The following UGT1A10 variants were observed in gnomAD, a reference collection of about 807,000 sequenced individuals.
The protein encoded by UGT1A10 is UDP-glucuronosyltransferase 1A10.
A neutral mutation model predicts 45.8 loss-of-function variants in UGT1A10; 49 were observed. The ratio of observed to expected loss-of-function variants is 1.07; its 90% CI spans 0.85 to 1.36. UGT1A10 has a LOEUF of 1.36. Ranked by LOEUF, UGT1A10 falls within the 40% of genes most tolerant of loss-of-function variation. The pLI is 0.00. For missense variants in UGT1A10, 745 were observed against 668.6 expected (o/e 1.11, Z -1.26); for synonymous variants, 284 against 249.7 (o/e 1.14, Z -1.29).
At chr2:233,723,367 A>C (rs1057114040) in intron 1 of UGT1A10, among the ~76,000 whole-genome samples, 6 of 125,432 alleles carry the variant, frequency 4.8e-5, no homozygotes, top group Middle Eastern at 3.9e-3. Context: ...ACGTCACCAC[A>C]CCTGGCTAAT....
chr2:233,744,393 C>T (rs17864702), intron 1 of UGT1A10, among the ~76,000 whole-genome samples: 2,182 of 151,914 alleles, frequency 0.014, 41 homozygotes, highest in South Asian at 0.024. Context: ...GTTCCAGCCC[C>T]GGTGCCCATT....
intron 1 of UGT1A10, among the ~76,000 whole-genome samples, chr2:233,650,899 T>G (rs951864782): frequency 6.6e-6 from 1 of 152,230 alleles, no homozygotes; most frequent in Non-Finnish European, 1.5e-5. Context: ...CATCTATTAC[T>G]TTTTTAGCAA....
intron 1 of UGT1A10, among the ~76,000 whole-genome samples, chr2:233,638,400 A>C (rs957877363): frequency 2.6e-5 from 4 of 152,108 alleles, no homozygotes; most frequent in African/African-American, 9.7e-5. Context: ...AACTTTTCTT[A>C]TTATTTTGTA....
chr2:233,743,929 G>A (rs1692592550), intron 1 of UGT1A10: 10 of 1,360,304 alleles, frequency 7.4e-6, no homozygotes, highest in Non-Finnish European at 9.8e-6. Flanking sequence ...TGGATGGCCA[G>A]AACGGCCCAC....
rs988278598 is a variant in UGT1A10, at chr2:233,758,928, G to A, written c.856-8106G>A. Among the ~76,000 whole-genome samples the A allele has an allele frequency of 5.9e-5, 9 of 152,130 alleles. 1 individual carries two copies. The highest frequency in any genetic ancestry group is 3.3e-4 in the Admixed American group (5 of 15,276). On this transcript the variant is annotated intron_variant, in intron 1 of 4. Coordinates refer to ENST00000344644, the MANE Select transcript of UGT1A10 (RefSeq NM_019075.4). Reference sequence around the variant, plus strand: ...TTGTTTTTGCTCATCTTTCCCTTTTGACTTCAAATCAGTCATCAGAATTTC... The same window carrying A: ...TTGTTTTTGCTCATCTTTCCCTTTTAACTTCAAATCAGTCATCAGAATTTC...
chr2:233,758,179 A>G (rs1285380219), intron 1 of UGT1A10, among the ~76,000 whole-genome samples: 1 of 152,230 alleles, frequency 6.6e-6, no homozygotes, highest in African/African-American at 2.4e-5. Context: ...CAGAGCAGAT[A>G]TTAATTGGAT....
chr2:233,682,004 G>A, intron 1 of UGT1A10: 1 of 1,614,150 alleles, frequency 6.2e-7, no homozygotes, highest in South Asian at 1.1e-5. Context: ...CTGTGGCTTT[G>A]CCAAGGCAGG....
chr2:233,725,060 G>A (rs969335161), intron 1 of UGT1A10, among the ~76,000 whole-genome samples: 12 of 147,180 alleles, frequency 8.2e-5, no homozygotes, highest in African/African-American at 2.0e-4. Flanking sequence ...GGCGGCGCGC[G>A]CCTGCAATCG....
rs1308023181 is a variant in UGT1A10, at chr2:233,747,199, G to A, written c.856-19835G>A. 45 of 1,604,092 alleles carry A rather than the reference G, an allele frequency of 2.8e-5. 2 individuals carry two copies. The highest frequency in any genetic ancestry group is 8.8e-5 in the South Asian group (8 of 90,422). On this transcript the variant is annotated intron_variant, in intron 1 of 4. Coordinates refer to ENST00000344644, the MANE Select transcript of UGT1A10 (RefSeq NM_019075.4). Reference sequence around the variant, plus strand: ...GCGTGGGGTGGACAGTCAGCTGTCCGTGTCTTCTGCTGAGATGGCCACAGG... The same window carrying A: ...GCGTGGGGTGGACAGTCAGCTGTCCATGTCTTCTGCTGAGATGGCCACAGG...
chr2:233,760,310 G>T (rs768521253), intron 1 of UGT1A10: 3 of 1,613,706 alleles, frequency 1.9e-6, no homozygotes, highest in Non-Finnish European at 2.5e-6. Context: ...TCCCAGGGCG[G>T]ACGCCCACTT....
chr2:233,675,200 G>A (rs12615708), intron 1 of UGT1A10, among the ~76,000 whole-genome samples: 12,364 of 152,120 alleles, frequency 0.081, 835 homozygotes, highest in East Asian at 0.18. Flanking sequence ...AGATGGCCCC[G>A]TCTTCAATGT....
chr2:233,654,313 G>A (rs1274871623), intron 1 of UGT1A10, among the ~76,000 whole-genome samples: 1 of 152,150 alleles, frequency 6.6e-6, no homozygotes, highest in African/African-American at 2.4e-5. Context: ...GATCCTTAGG[G>A]AATCAATATT....
chr2:233,757,535 A>AATATAT (rs67292694), intron 1 of UGT1A10, among the ~76,000 whole-genome samples: 2,323 of 88,244 alleles, frequency 0.026, 162 homozygotes, highest in African/African-American at 0.078. Context: ...GCCTGTAAGG[A>AATATAT]ATATATATAT....
chr2:233,697,528 G>A (rs1448726648), intron 1 of UGT1A10, among the ~76,000 whole-genome samples: 1 of 142,188 alleles, frequency 7.0e-6, no homozygotes, highest in African/African-American at 2.6e-5. Context: ...AAAACTTTTT[G>A]TTTCATTGGT....
intron 1 of UGT1A10, among the ~76,000 whole-genome samples, chr2:233,650,529 G>A (rs990702661): frequency 1.3e-5 from 2 of 152,220 alleles, no homozygotes; most frequent in Admixed American, 6.5e-5. Flanking sequence ...GTCTGCTGGT[G>A]TAGGCTTTAT....
At chr2:233,702,799 T>C (rs1284571613) in intron 1 of UGT1A10, among the ~76,000 whole-genome samples, 1 of 152,224 alleles carries the variant, frequency 6.6e-6, no homozygotes, top group Non-Finnish European at 1.5e-5. Flanking sequence ...CTTGTATTCC[T>C]AGAATAATCC....
chr2:233,667,751 C>T (rs1278219241), intron 1 of UGT1A10, among the ~76,000 whole-genome samples: 1 of 152,180 alleles, frequency 6.6e-6, no homozygotes, highest in African/African-American at 2.4e-5. Flanking sequence ...CAAAAGAAGA[C>T]ATTTATGCAG....
chr2:233,672,705 T>C, intron 1 of UGT1A10: 1 of 1,614,002 alleles, frequency 6.2e-7, no homozygotes, highest in South Asian at 1.1e-5. Flanking sequence ...GAACGGACTT[T>C]GTTTTGGACT....
At chr2:233,706,881 C>A (rs2075928879) in intron 1 of UGT1A10, among the ~76,000 whole-genome samples, 1 of 152,226 alleles carries the variant, frequency 6.6e-6, no homozygotes, top group Admixed American at 6.5e-5. Context: ...CACTTCCCAG[C>A]TCTGGTTGGA....
Sources: gnomAD v4.1 joint callset for allele counts (sites outside exome capture counted in the v4.1 genomes callset) on GRCh38, gnomAD v4.1.1 for gene constraint, MANE v1.5 for transcripts, NCBI Gene and HGNC (gene_info 2026-07-23, HGNC 2026-07-21) for gene names.